Variants in PRKCB observed in about 807,000 individuals in gnomAD.
PRKCB encodes the protein protein kinase C beta, also known as protein kinase C beta type.
Under a neutral mutation model 81.5 loss-of-function variants are expected in PRKCB, and 13 were observed. The ratio of observed to expected loss-of-function variants is 0.16; its 90% CI spans 0.10 to 0.25. The LOEUF (loss-of-function observed/expected upper bound fraction) is 0.25. Among genes scored for constraint, PRKCB ranks in the 10% least tolerant of loss-of-function variants. The probability of loss-of-function intolerance (pLI) is 1.00; values close to 1 mark genes in which losing one functional copy is unlikely to be tolerated. For missense variants in PRKCB, 509 were observed against 875.7 expected (o/e 0.58, Z 5.29); for synonymous variants, 335 against 321.4 (o/e 1.04, Z -0.45).
At chr16:24,162,199 A>T (rs1226703830) in intron 10 of PRKCB, among the ~76,000 whole-genome samples, 1 of 152,060 alleles carries the variant, frequency 6.6e-6, no homozygotes, top group African/African-American at 2.4e-5. Context: ...GATGATTCCC[A>T]CATGTAGAGT....
Position 24,154,833 on chromosome 16 carries a change from G to A in PRKCB, c.1215G>A (p.Gln405=). 6.2e-7 allele frequency: 1 copy of A among 1,613,986 alleles called. No individual in the cohort carries two copies. Among genetic ancestry groups the A allele is most frequent in the Non-Finnish European group, 8.5e-7 (1 of 1,179,948 alleles). ...ALPGKPPFLT[Q]LHSCFQTMDR... is the part of the protein sequence containing the mutation. Reference sequence around the variant, plus strand: ...CTGGGAAGCCGCCCTTCCTGACCCAGCTCCACTCCTGCTTCCAGACCATGG... The same window carrying A: ...CTGGGAAGCCGCCCTTCCTGACCCAACTCCACTCCTGCTTCCAGACCATGG... Residue 405 remains glutamine, a synonymous_variant, in exon 10 of 17, where the codon CAG becomes CAA. Transcript: ENST00000643927.
chr16:23,981,683 C>CTT (rs1964708664), intron 2 of PRKCB, among the ~76,000 whole-genome samples: 1 of 124,990 alleles, frequency 8.0e-6, no homozygotes, highest in Non-Finnish European at 1.7e-5. Flanking sequence ...TTCCCCTTCC[C>CTT]CTTCCCTTCC....
chr16:23,944,753 C>T (rs994548933), intron 2 of PRKCB, among the ~76,000 whole-genome samples: 1 of 152,222 alleles, frequency 6.6e-6, no homozygotes, highest in Non-Finnish European at 1.5e-5. Context: ...TCCTCCATCA[C>T]CTGCTCATAA....
chr16:24,101,759 A>G (rs2141908278), intron 7 of PRKCB, among the ~76,000 whole-genome samples: 1 of 152,338 alleles, frequency 6.6e-6, no homozygotes, highest in South Asian at 2.1e-4. Context: ...ACTCCCACAC[A>G]TGCCATATCC....
At chr16:24,062,752 G>C (rs1965988812) in intron 5 of PRKCB, among the ~76,000 whole-genome samples, 1 of 152,070 alleles carries the variant, frequency 6.6e-6, no homozygotes, top group Non-Finnish European at 1.5e-5. Flanking sequence ...TCCCTGTGGG[G>C]ACTGTGACAT....
At chr16:24,169,366 C>T (rs1967402409) in intron 10 of PRKCB, among the ~76,000 whole-genome samples, 1 of 152,112 alleles carries the variant, frequency 6.6e-6, no homozygotes, top group African/African-American at 2.4e-5. Flanking sequence ...AACGTTCAGT[C>T]ACATTTCGCA....
intron 16 of PRKCB, among the ~76,000 whole-genome samples, chr16:24,201,997 C>CT (rs1359036355): frequency 2.0e-5 from 3 of 149,124 alleles, no homozygotes; most frequent in Non-Finnish European, 3.0e-5. Context: ...GATAGCGCCA[C>CT]TGCAGTCCAG....
Position 23,917,018 on chromosome 16 carries a change from G to C in PRKCB, c.206-71490G>C, listed in dbSNP as rs569834690. Among the ~76,000 whole-genome samples the C allele has an allele frequency of 2.0e-5, 3 of 152,128 alleles. No homozygotes were observed. In the East Asian group the frequency reaches 5.8e-4, roughly 29 times the overall value. On this transcript the variant is annotated intron_variant, in intron 2 of 16. Coordinates refer to ENST00000643927, the MANE Select transcript of PRKCB (RefSeq NM_002738.7). Reference sequence around the variant, plus strand: ...CTTAAACTCCTGGGCTCAAGTGATAGGGTCACCTGGGCCTCCCAAAGTGTT... The same window carrying C: ...CTTAAACTCCTGGGCTCAAGTGATACGGTCACCTGGGCCTCCCAAAGTGTT...
chr16:24,035,476 C>T lies in PRKCB; in HGVS notation c.458C>T (p.Thr153Met), dbSNP rs765028943. ...CVMNVPSLCG[T>M]DHTERRGRIY... ...ATGAATGTTCCCAGCCTGTGTGGCA[C>T]GGACCACACGGAGCGCCGCGGCCGC... The change falls in exon 5 of 17, where the codon ACG (threonine) becomes ATG (methionine). Residue 153 changes from threonine to methionine, a missense_variant. Thr to Met is a moderately conservative substitution (Grantham distance 81, BLOSUM62 -1). Around this residue, in one of 6 missense-constraint regions of PRKCB, gnomAD observed 184 missense variants for 362.9 expected, o/e 0.51. Transcript: ENST00000643927. 3.7e-6 allele frequency: 6 copies of T among 1,614,168 alleles called. No individual in the cohort carries two copies. Among genetic ancestry groups the T allele is most frequent in the East Asian group, 2.2e-5 (1 of 44,876 alleles).
intron 8 of PRKCB, among the ~76,000 whole-genome samples, chr16:24,117,239 A>G (rs78964841): frequency 6.6e-6 from 1 of 152,226 alleles, no homozygotes; most frequent in Non-Finnish European, 1.5e-5. Flanking sequence ...TCTGAGTGAC[A>G]GTAAAATCGA....
At chr16:24,093,018 TC>T in intron 6 of PRKCB, 71 bp downstream of exon 6, 1 of 1,484,720 alleles carries the variant, frequency 6.7e-7, no homozygotes, top group African/African-American at 1.4e-5. Flanking sequence ...ATCAGGGAGT[TC>T]CTCCTCCCTT....
intron 10 of PRKCB, among the ~76,000 whole-genome samples, chr16:24,160,297 T>A (rs937047472): frequency 6.6e-6 from 1 of 152,024 alleles, no homozygotes; most frequent in African/African-American, 2.4e-5. Flanking sequence ...TTATTAAAAT[T>A]TAGGGAGCAC....
At chr16:24,195,196 G>C (rs940881847) in intron 16 of PRKCB, among the ~76,000 whole-genome samples, 2 of 115,296 alleles carry the variant, frequency 1.7e-5, no homozygotes, top group Non-Finnish European at 3.5e-5. Flanking sequence ...GCAAGACCCT[G>C]TCTCAGAAAA....
chr16:24,027,260 G>A (rs187874919), intron 3 of PRKCB, among the ~76,000 whole-genome samples: 230 of 152,270 alleles, frequency 1.5e-3, no homozygotes, highest in Non-Finnish European at 2.9e-3. Flanking sequence ...TTTTCGAACA[G>A]GTGTTCCTTT....
In PRKCB at chr16:24,219,657, CACACA is replaced by C. The variant is rs1567417774; in HGVS notation, c.*4842_*4846del. Reference sequence around the variant, plus strand: ...CCTAAAGCCAAAGAAAATACAGCAACACACACACACACACACACACACACACACAC... The same window carrying C: ...CCTAAAGCCAAAGAAAATACAGCAACCACACACACACACACACACACACAC... On this transcript the variant is annotated 3_prime_UTR_variant, in exon 17 of 17. Transcript: ENST00000643927. The C allele has an allele frequency of 0.17, 104,202 of 626,688 alleles. 2,145 individuals carry two copies. The highest frequency in any genetic ancestry group is 0.18 in the East Asian group (1,631 of 9,174). The allele number at this position is 626,688 out of a possible 1,614,324, so 38.8% of individuals were successfully genotyped here.
At chr16:24,039,655 G>T (rs62026398) in intron 5 of PRKCB, among the ~76,000 whole-genome samples, 31,153 of 152,156 alleles carry the variant, frequency 0.2, 3,219 homozygotes, top group Middle Eastern at 0.28. Context: ...AACTTCCCAG[G>T]TGAGGAGGCT....
At chr16:24,153,477 C>G (rs1967108701) in intron 9 of PRKCB, among the ~76,000 whole-genome samples, 1 of 152,194 alleles carries the variant, frequency 6.6e-6, no homozygotes, top group Non-Finnish European at 1.5e-5. Flanking sequence ...ATACTTCAAT[C>G]TGATTCTTTC....
At chr16:24,057,181 G>A (rs945563282) in intron 5 of PRKCB, among the ~76,000 whole-genome samples, 3 of 152,104 alleles carry the variant, frequency 2.0e-5, no homozygotes, top group African/African-American at 7.2e-5. Flanking sequence ...CCCTTCTCTG[G>A]CAGGCACACT....
At chr16:23,888,597 T>G (rs1339206766) in intron 2 of PRKCB, among the ~76,000 whole-genome samples, 1 of 152,232 alleles carries the variant, frequency 6.6e-6, no homozygotes, top group Non-Finnish European at 1.5e-5. Flanking sequence ...ACCCATTGTG[T>G]CTGACTCAGG....
Sources: allele counts gnomAD v4.1 joint callset (sites outside exome capture counted in the v4.1 genomes callset), GRCh38; gene constraint gnomAD v4.1.1; regional missense constraint gnomAD v4.1.1; transcripts MANE v1.5; gene names NCBI Gene and HGNC (gene_info 2026-07-23, HGNC 2026-07-21).